Variants in DCHS2 observed in about 807,000 individuals in gnomAD.
The protein encoded by DCHS2 is dachsous cadherin-related 2.
Under a neutral mutation model 182.4 loss-of-function variants are expected in DCHS2, and 142 were observed. That is an observed-to-expected ratio of 0.78 (90% CI 0.68 to 0.89). The LOEUF (loss-of-function observed/expected upper bound fraction) is 0.89. Ranked by LOEUF, DCHS2 falls within the 40% of genes least tolerant of loss-of-function variation. DCHS2 has a pLI of 0.00. For synonymous variants in DCHS2, 1,740 were observed against 1,663.3 expected, an observed-to-expected ratio of 1.05 and a Z score of -1.12; for missense variants, 4,319 against 4,198.6, an observed-to-expected ratio of 1.03 and a Z score of -0.79.
intron 6 of DCHS2, among the ~76,000 whole-genome samples, chr4:154,328,808 A>G (rs1736396052): frequency 6.6e-6 from 1 of 152,216 alleles, no homozygotes; most frequent in Admixed American, 6.5e-5. Context: ...GTTTAAAGTT[A>G]TGAGTTCCTC....
At chr4:154,284,056 G>A (rs1240135327) in intron 13 of DCHS2, among the ~76,000 whole-genome samples, 2 of 152,122 alleles carry the variant, frequency 1.3e-5, no homozygotes, top group Non-Finnish European at 2.9e-5. Context: ...CAAGGTAAAT[G>A]TATCTACCAA....
At chr4:154,304,992 T>C (rs1353499737) in intron 11 of DCHS2, 105 bp downstream of exon 11, 1 of 1,505,406 alleles carries the variant, frequency 6.6e-7, no homozygotes, top group African/African-American at 1.4e-5. Flanking sequence ...AATAATATTT[T>C]ATTTAAAAAC....
chr4:154,266,322 GGTTT>G (rs1560996562), intron 14 of DCHS2, among the ~76,000 whole-genome samples: 7 of 113,352 alleles, frequency 6.2e-5, no homozygotes, highest in African/African-American at 9.2e-5. Flanking sequence ...GAGTTGCAGG[GGTTT>G]TTTTTTTGTT....
intron 16 of DCHS2, 106 bp downstream of exon 16, chr4:154,255,413 A>G: frequency 7.1e-7 from 1 of 1,415,632 alleles, no homozygotes; most frequent in Non-Finnish European, 9.3e-7. Context: ...AAGGGATAAC[A>G]CATTTTACAA....
chr4:154,409,424 C>T (rs1229679146), intron 1 of DCHS2, among the ~76,000 whole-genome samples: 1 of 152,134 alleles, frequency 6.6e-6, no homozygotes, highest in African/African-American at 2.4e-5. Context: ...TGTGATTGTA[C>T]CCTGTTCACC....
intron 13 of DCHS2, among the ~76,000 whole-genome samples, chr4:154,288,764 C>T (rs1363338291): frequency 6.6e-6 from 1 of 151,910 alleles, no homozygotes; most frequent in Non-Finnish European, 1.5e-5. Context: ...AAATCAATAA[C>T]AAAAAGTATT....
chr4:154,377,233 C>G lies in DCHS2; in HGVS notation c.2244+20G>C. ...CACTTGTGATTATGTTTAAAATAAA[C>G]TTCATACATAAAAACTTACCCCATC... On this transcript the variant is annotated intron_variant, in intron 2 of 19. Transcript: ENST00000357232. 6.2e-7 allele frequency: 1 copy of G among 1,607,208 alleles called. No individual in the cohort carries two copies. The highest frequency in any genetic ancestry group is 8.5e-7 in the Non-Finnish European group (1 of 1,176,442).
chr4:154,466,447 T>A (rs1038213776), intron 1 of DCHS2, among the ~76,000 whole-genome samples: 1 of 152,148 alleles, frequency 6.6e-6, no homozygotes, highest in Admixed American at 6.5e-5. Context: ...AAAGAACCCA[T>A]CACTTTATAG....
intron 16 of DCHS2, among the ~76,000 whole-genome samples, chr4:154,247,126 A>C (rs1265997388): frequency 1.3e-5 from 2 of 152,210 alleles, no homozygotes; most frequent in Non-Finnish European, 2.9e-5. Context: ...AATACTATGG[A>C]TGATAAGTAT....
chr4:154,357,136 C>A, intron 3 of DCHS2: 1 of 856,928 alleles, frequency 1.2e-6, no homozygotes, highest in Non-Finnish European at 1.9e-6. Flanking sequence ...TTGTTTAAAA[C>A]TCACTTTCTC....
At chr4:154,420,301 A>ATACG (rs1348038147) in intron 1 of DCHS2, among the ~76,000 whole-genome samples, 2 of 150,342 alleles carry the variant, frequency 1.3e-5, no homozygotes, top group Admixed American at 6.7e-5. Flanking sequence ...AGATAGATAG[A>ATACG]TACGTACGTA....
At chr4:154,346,996 CAGTT>C (rs1162676760) in intron 3 of DCHS2, among the ~76,000 whole-genome samples, 1 of 151,598 alleles carries the variant, frequency 6.6e-6, no homozygotes, top group Non-Finnish European at 1.5e-5. Flanking sequence ...ACGTCTGTGA[CAGTT>C]AGAAGACCAC....
At chr4:154,292,287 C>T (rs1275981340) in intron 13 of DCHS2, among the ~76,000 whole-genome samples, 2 of 152,098 alleles carry the variant, frequency 1.3e-5, no homozygotes, top group Admixed American at 1.3e-4. Flanking sequence ...CCTTTCTTTC[C>T]CTTCATAGGA....
intron 10 of DCHS2, among the ~76,000 whole-genome samples, chr4:154,312,249 C>T (rs560673816): frequency 9.2e-5 from 14 of 152,336 alleles, no homozygotes; most frequent in African/African-American, 3.4e-4. Flanking sequence ...GCTGGAATGG[C>T]ACAAAGCCAG....
Position 154,333,473 on chromosome 4 carries a change from TA to T in DCHS2, c.2734del (p.Tyr912ThrfsTer56). The stretch of plus-strand genomic sequence containing the variant: ...GCCGAGATCACCAGAAGAAATCCTG[TA>T]AAAGATTGGTTCTGAGGAGTCTGAA... ...EPLNSSEPIF[Y>X]RISSGDLGGK... On this transcript the variant is annotated frameshift_variant, in exon 5 of 20. Coordinates refer to ENST00000357232, the MANE Select transcript of DCHS2 (RefSeq NM_001358235.2). LOFTEE classifies it high-confidence loss of function. 1 of 1,612,950 alleles carries T rather than the reference TA, an allele frequency of 6.2e-7. No individual in the cohort carries two copies. The highest frequency in any genetic ancestry group is 8.5e-7 in the Non-Finnish European group (1 of 1,179,388).
At chr4:154,471,428 G>T (rs17031690) in intron 1 of DCHS2, among the ~76,000 whole-genome samples, 2,464 of 152,240 alleles carry the variant, frequency 0.016, 41 homozygotes, top group South Asian at 0.072. Flanking sequence ...CTTCCCACTT[G>T]TGATCAAACC....
chr4:154,364,972 G>A (rs1006925245), intron 3 of DCHS2, among the ~76,000 whole-genome samples: 2 of 151,718 alleles, frequency 1.3e-5, no homozygotes, highest in African/African-American at 4.8e-5. Flanking sequence ...TATCTCAAAA[G>A]TATTGTAATG....
intron 2 of DCHS2, among the ~76,000 whole-genome samples, chr4:154,368,587 G>A (rs1368294626): frequency 6.6e-6 from 1 of 151,594 alleles, no homozygotes; most frequent in Non-Finnish European, 1.5e-5. Flanking sequence ...CACGATCTTG[G>A]CTCACCGCAA....
chr4:154,303,473 G>A (rs1323371304), intron 12 of DCHS2, among the ~76,000 whole-genome samples: 1 of 131,864 alleles, frequency 7.6e-6, no homozygotes. Flanking sequence ...TTATTTTAAG[G>A]GTAAGTGAAG....
Sources: gnomAD v4.1 joint callset for allele counts (sites outside exome capture counted in the v4.1 genomes callset) on GRCh38, gnomAD v4.1.1 for gene constraint, MANE v1.5 for transcripts, NCBI Gene and HGNC (gene_info 2026-07-23, HGNC 2026-07-21) for gene names.